Variants in MTHFD2L observed in about 807,000 individuals in gnomAD.
MTHFD2L encodes the protein methylenetetrahydrofolate dehydrogenase (NADP+ dependent) 2 like.
A neutral mutation model predicts 34.9 loss-of-function variants in MTHFD2L; 29 were observed. That is an observed-to-expected ratio of 0.83 (90% CI 0.62 to 1.13). MTHFD2L has a LOEUF of 1.13. Among genes scored for constraint, MTHFD2L ranks in the 50% most tolerant of loss-of-function variants. The pLI is 0.00. For missense variants in MTHFD2L, 481 were observed against 446.5 expected (o/e 1.08, Z -0.70); for synonymous variants, 167 against 155.7 (o/e 1.07, Z -0.54).
chr4:74,294,852 G>A (rs1202027998), intron 7 of MTHFD2L, among the ~76,000 whole-genome samples: 5 of 152,078 alleles, frequency 3.3e-5, no homozygotes, highest in African/African-American at 1.2e-4. Context: ...AAAGTCATCA[G>A]CCACATAGGG....
chr4:74,166,193 A>C (rs542559103), intron 1 of MTHFD2L, among the ~76,000 whole-genome samples: 1 of 152,370 alleles, frequency 6.6e-6, no homozygotes, highest in East Asian at 1.9e-4. Flanking sequence ...CTGTTTTCAC[A>C]CTGGAAACAG....
At position 74,243,886 on chromosome 4, in the gene MTHFD2L, C is replaced by G. The variant is rs560493839; in HGVS notation, c.805+18492C>G. On this transcript the variant is annotated intron_variant, in intron 6 of 7. Coordinates refer to ENST00000325278, the MANE Select transcript of MTHFD2L (RefSeq NM_001144978.3). Reference sequence around the variant, plus strand: ...TAATAGTGGGCTCTGTGAAATTTGGCCCAAAACACTGTTGTTTTTATGCTT... The same window carrying G: ...TAATAGTGGGCTCTGTGAAATTTGGGCCAAAACACTGTTGTTTTTATGCTT... Among the ~76,000 whole-genome samples, 4 of 152,270 alleles carry G rather than the reference C, an allele frequency of 2.6e-5. 1 individual carries two copies. Among genetic ancestry groups the G allele is most frequent in the Admixed American group, 2.6e-4 (4 of 15,296 alleles).
At chr4:74,233,163 AG>A (rs1740337746) in intron 6 of MTHFD2L, among the ~76,000 whole-genome samples, 1 of 152,120 alleles carries the variant, frequency 6.6e-6, no homozygotes, top group African/African-American at 2.4e-5. Flanking sequence ...TAACAGAGAG[AG>A]GAGATAGCTG....
chr4:74,205,388 A>G (rs1382557481), intron 5 of MTHFD2L, among the ~76,000 whole-genome samples: 1 of 152,226 alleles, frequency 6.6e-6, no homozygotes, highest in African/African-American at 2.4e-5. Context: ...AATGTTGAGC[A>G]TTCAGCTCAT....
chr4:74,114,582 G>T (rs1560395874), exon 2 of MTHFD2L: 1 of 152,158 alleles, frequency 6.6e-6, no homozygotes, highest in Admixed American at 6.5e-5. Flanking sequence ...GTGTAGGAGA[G>T]AGTGGAGAGC....
At chr4:74,295,198 T>C (rs1749482047) in intron 7 of MTHFD2L, among the ~76,000 whole-genome samples, 1 of 152,040 alleles carries the variant, frequency 6.6e-6, no homozygotes. Context: ...CCCGGCCTCC[T>C]CTCTTTCTTC....
intron 7 of MTHFD2L, among the ~76,000 whole-genome samples, chr4:74,288,641 AT>A (rs2110299122): frequency 6.6e-6 from 1 of 152,132 alleles, no homozygotes; most frequent in East Asian, 1.9e-4. Context: ...TTGCTTTCTA[AT>A]TGGTTTCAAA....
At chr4:74,293,637 T>C (rs928596831) in intron 7 of MTHFD2L, 13 of 442,660 alleles carry the variant, frequency 2.9e-5, no homozygotes, top group African/African-American at 2.6e-4. Flanking sequence ...GGCAAGCTAC[T>C]AACTTGTTAA....
intron 6 of MTHFD2L, among the ~76,000 whole-genome samples, chr4:74,253,396 C>CT (rs1321698672): frequency 1.3e-5 from 2 of 151,968 alleles, no homozygotes; most frequent in African/African-American, 4.8e-5. Flanking sequence ...AAGAAAATAT[C>CT]TTTATAAGAG....
At chr4:74,181,165 G>T (rs562590352) in intron 3 of MTHFD2L, among the ~76,000 whole-genome samples, 8 of 152,196 alleles carry the variant, frequency 5.3e-5, no homozygotes, top group Middle Eastern at 3.4e-3. Context: ...AGAATTTGGT[G>T]CAGGGTGAAT....
At chr4:74,235,115 A>G (rs1740657911) in intron 6 of MTHFD2L, among the ~76,000 whole-genome samples, 3 of 152,142 alleles carry the variant, frequency 2.0e-5, no homozygotes, top group African/African-American at 7.2e-5. Context: ...GAAAAACCAG[A>G]TATCATAATA....
intron 3 of MTHFD2L, chr4:74,183,978 T>C (rs1291515075): frequency 6.6e-6 from 1 of 152,150 alleles, no homozygotes; most frequent in Non-Finnish European, 1.5e-5. Flanking sequence ...ATTCCTGTAA[T>C]ATATGTGAAA....
At chr4:74,292,670 T>C (rs1010103967) in intron 7 of MTHFD2L, among the ~76,000 whole-genome samples, 3 of 152,112 alleles carry the variant, frequency 2.0e-5, no homozygotes, top group African/African-American at 7.2e-5. Flanking sequence ...TTTTAGTAAT[T>C]TTCCCAGCTC....
chr4:74,213,361 C>A (rs1004700555), intron 5 of MTHFD2L, among the ~76,000 whole-genome samples: 3 of 152,084 alleles, frequency 2.0e-5, no homozygotes, highest in African/African-American at 7.2e-5. Context: ...ATATTTAGTG[C>A]TTTCTTCAGG....
intron 6 of MTHFD2L, among the ~76,000 whole-genome samples, chr4:74,239,466 A>G (rs1205131100): frequency 6.7e-6 from 1 of 149,954 alleles, no homozygotes; most frequent in Non-Finnish European, 1.5e-5. Context: ...GTGCACATGT[A>G]CCCTAGAAGT....
chr4:74,271,952 G>T (rs1405785487), intron 6 of MTHFD2L, among the ~76,000 whole-genome samples: 1 of 152,044 alleles, frequency 6.6e-6, no homozygotes, highest in Non-Finnish European at 1.5e-5. Context: ...TTTTAAGAGG[G>T]TATTATGTAA....
intron 1 of MTHFD2L, among the ~76,000 whole-genome samples, chr4:74,159,602 A>G (rs1211101757): frequency 6.6e-6 from 1 of 152,194 alleles, no homozygotes; most frequent in African/African-American, 2.4e-5. Flanking sequence ...CATACATTGA[A>G]TGGAAGTCAT....
chr4:74,216,488 C>T (rs7681137), intron 5 of MTHFD2L, among the ~76,000 whole-genome samples: 98,428 of 151,580 alleles, frequency 0.65, 34,350 homozygotes, highest in Middle Eastern at 0.8. Flanking sequence ...ATTGGAATGA[C>T]ACCAGGACTT....
chr4:74,225,783 G>A (rs1739055544), intron 6 of MTHFD2L, among the ~76,000 whole-genome samples: 1 of 152,038 alleles, frequency 6.6e-6, no homozygotes, highest in Non-Finnish European at 1.5e-5. Context: ...TCAGGTGAGG[G>A]GAAAAGATAG....
Sources: gnomAD v4.1 joint callset for allele counts (sites outside exome capture counted in the v4.1 genomes callset) on GRCh38, gnomAD v4.1.1 for gene constraint, MANE v1.5 for transcripts, NCBI Gene and HGNC (gene_info 2026-07-23, HGNC 2026-07-21) for gene names.